ZNF721: variants seen among roughly 807,000 people sequenced by gnomAD.
The protein encoded by ZNF721 is zinc finger protein 721.
In ZNF721, 2 loss-of-function variants were observed where a neutral mutation model predicts 2.4. The ratio of observed to expected loss-of-function variants is 0.82; its 90% CI spans 0.34 to 2.58. ZNF721 has a LOEUF of 2.58. Among genes scored for constraint, ZNF721 ranks in the 30% most tolerant of loss-of-function variants. The pLI is 0.11. For synonymous variants in ZNF721, 398 were observed against 381.8 expected (o/e 1.04, Z -0.50); for missense variants, 1,187 against 1,085.5 (o/e 1.09, Z -1.31).
intron 1 of ZNF721, among the ~76,000 whole-genome samples, chr4:477,874 A>C (rs925016654): frequency 1.3e-5 from 2 of 152,168 alleles, no homozygotes; most frequent in African/African-American, 4.8e-5. Context: ...CTGCCATTAG[A>C]TAGGACTGCT....
At chr4:486,456 C>T (rs1340882801) in intron 1 of ZNF721, among the ~76,000 whole-genome samples, 1 of 152,110 alleles carries the variant, frequency 6.6e-6, no homozygotes, top group Non-Finnish European at 1.5e-5. Context: ...CGCGCCCGGC[C>T]TTAGTTGTGT....
intron 2 of ZNF721, among the ~76,000 whole-genome samples, chr4:464,257 G>T (rs1445953754): frequency 1.3e-5 from 2 of 151,954 alleles, no homozygotes; most frequent in Non-Finnish European, 2.9e-5. Context: ...TATCACCTGA[G>T]GTCAGGGGTT....
At chr4:455,398 T>C (rs1714815060) in intron 2 of ZNF721, among the ~76,000 whole-genome samples, 2 of 152,048 alleles carry the variant, frequency 1.3e-5, no homozygotes, top group Non-Finnish European at 2.9e-5. Context: ...TGAAACCCTG[T>C]CTCTACTAAA....
intron 2 of ZNF721, among the ~76,000 whole-genome samples, chr4:472,084 C>T (rs182794834): frequency 2.1e-4 from 32 of 152,222 alleles, no homozygotes; most frequent in East Asian, 1.9e-3. Context: ...TTTTTTGAGA[C>T]GGAGTTTTGC....
chr4:477,801 G>A (rs533984911), intron 1 of ZNF721, among the ~76,000 whole-genome samples: 6 of 152,202 alleles, frequency 3.9e-5, no homozygotes, highest in East Asian at 3.9e-4. Flanking sequence ...AGAGATATGC[G>A]GGCACAATAA....
chr4:499,027 CA>C (rs1553873557), intron 1 of ZNF721, 28 bp downstream of exon 1: 1 of 426,818 alleles, frequency 2.3e-6, no homozygotes, highest in African/African-American at 2.1e-5. Context: ...CCCTGCCTTC[CA>C]AATTAAAAAC....
intron 1 of ZNF721, among the ~76,000 whole-genome samples, chr4:496,015 G>A (rs115662203): frequency 0.042 from 6,374 of 152,200 alleles, 183 homozygotes; most frequent in African/African-American, 0.083. Flanking sequence ...TTGCTCTTTC[G>A]GTTTGGTCTG....
chr4:482,660 C>A (rs549562052), intron 1 of ZNF721, among the ~76,000 whole-genome samples: 1 of 151,192 alleles, frequency 6.6e-6, no homozygotes, highest in Non-Finnish European at 1.5e-5. Flanking sequence ...CCATGCCCAG[C>A]TAATTTTTGT....
rs1398932481 is a variant in ZNF721 at position 441,481 on chromosome 4, C to G, written c.*214G>C. 2 of 468,158 alleles carry G rather than the reference C, an allele frequency of 4.3e-6. No individual in the cohort carries two copies. Among genetic ancestry groups the G allele is most frequent in the Non-Finnish European group, 7.4e-6 (2 of 268,968 alleles). The allele number at this position is 468,158 out of a possible 1,614,324, so 29.0% of individuals were successfully genotyped here. On this transcript the variant is annotated 3_prime_UTR_variant, in exon 3 of 3. Coordinates refer to ENST00000511833, the MANE Select transcript of ZNF721 (RefSeq NM_133474.4). ...TTGGCTTCTCATCAATATAATTACT[C>G]TTATGTCTACAACAGATTGAGGTGT...
chr4:448,069 C>T (rs1714533144), intron 2 of ZNF721, among the ~76,000 whole-genome samples: 1 of 152,100 alleles, frequency 6.6e-6, no homozygotes, highest in Admixed American at 6.5e-5. Context: ...TTATGCCTAA[C>T]AGAATTGTAA....
At position 472,708 on chromosome 4, in the gene ZNF721, A is replaced by C; in HGVS notation, c.-93-7T>G. 2 of 1,611,506 alleles carry C rather than the reference A, an allele frequency of 1.2e-6. No homozygotes were observed. Among genetic ancestry groups the C allele is most frequent in the Non-Finnish European group, 1.7e-6 (2 of 1,179,476 alleles). On this transcript the variant is annotated splice_polypyrimidine_tract_variant and splice_region_variant and intron_variant, in intron 1 of 2. Coordinates refer to ENST00000511833, the MANE Select transcript of ZNF721 (RefSeq NM_133474.4). ...CCCTGAATGTTAAGGGTTCCTGAAAATACATATGTATCAAGTGACAGAGTT... is the reference window on the plus strand; with the variant it reads ...CCCTGAATGTTAAGGGTTCCTGAAACTACATATGTATCAAGTGACAGAGTT...
chr4:454,502 A>G (rs992481226), intron 2 of ZNF721, among the ~76,000 whole-genome samples: 7 of 152,220 alleles, frequency 4.6e-5, no homozygotes, highest in Non-Finnish European at 1.0e-4. Context: ...GCCTTACTGC[A>G]TACTGAATGT....
In ZNF721 at chr4:443,147, A is replaced by G; in HGVS notation, c.1320T>C (p.Thr440=). The G allele has an allele frequency of 6.2e-7, 1 of 1,613,900 alleles. No homozygotes were observed. Among genetic ancestry groups the G allele is most frequent in the Non-Finnish European group, 8.5e-7 (1 of 1,179,868 alleles). Residue 440 remains threonine, a synonymous_variant, in exon 3 of 3, where the codon ACT becomes ACC. Coordinates refer to ENST00000511833, the MANE Select transcript of ZNF721 (RefSeq NM_133474.4). ...TNLNEYKKIH[T]GDKPYKCKEC... The stretch of plus-strand genomic sequence containing the variant: ...CTTTACATTTGTAGGGTTTATCTCC[A>G]GTATGAATTTTCTTATATTCATTCA...
chr4:472,846 T>C (rs1041225554), intron 1 of ZNF721, 145 bp from the exon 2 acceptor site: 35 of 1,159,668 alleles, frequency 3.0e-5, no homozygotes, highest in South Asian at 3.2e-5. Flanking sequence ...AAGTATTCTA[T>C]AGCTCTGCGG....
intron 2 of ZNF721, among the ~76,000 whole-genome samples, chr4:448,086 C>A (rs1213457219): frequency 6.6e-6 from 1 of 152,142 alleles, no homozygotes; most frequent in Non-Finnish European, 1.5e-5. Context: ...GTAAAGAACA[C>A]TGCTCAACGA....
intron 2 of ZNF721, among the ~76,000 whole-genome samples, chr4:465,016 C>T (rs1206887331): frequency 3.3e-5 from 5 of 149,556 alleles, no homozygotes; most frequent in East Asian, 2.0e-4. Flanking sequence ...ACCCAGGAGA[C>T]GGAGGTTGTG....
chr4:478,930 A>G (rs973050788), intron 1 of ZNF721, among the ~76,000 whole-genome samples: 2 of 151,776 alleles, frequency 1.3e-5, no homozygotes, highest in Non-Finnish European at 2.9e-5. Context: ...CCACCATGCC[A>G]GGCTAATTTT....
At chr4:485,714 G>A (rs782554017) in intron 1 of ZNF721, among the ~76,000 whole-genome samples, 2 of 152,146 alleles carry the variant, frequency 1.3e-5, no homozygotes, top group African/African-American at 2.4e-5. Flanking sequence ...ACTGGCGCAC[G>A]CCTGTAATCC....
intron 1 of ZNF721, among the ~76,000 whole-genome samples, chr4:495,406 A>G (rs940228938): frequency 8.6e-5 from 13 of 151,352 alleles, no homozygotes; most frequent in African/African-American, 2.9e-4. Flanking sequence ...CTAAATATAA[A>G]CATGCACACA....
Sources: allele counts gnomAD v4.1 joint callset (sites outside exome capture counted in the v4.1 genomes callset), GRCh38; gene constraint gnomAD v4.1.1; transcripts MANE v1.5; gene names NCBI Gene and HGNC (gene_info 2026-07-23, HGNC 2026-07-21).